INTS6: variants seen among roughly 807,000 people sequenced by gnomAD.
INTS6 encodes integrator complex subunit 6.
A neutral mutation model predicts 104.9 loss-of-function variants in INTS6; 16 were observed. The ratio of observed to expected loss-of-function variants is 0.15; its 90% CI spans 0.10 to 0.23. INTS6 has a LOEUF of 0.23. Ranked by LOEUF, INTS6 falls within the 10% of genes least tolerant of loss-of-function variation. The pLI is 1.00. For synonymous variants in INTS6, 324 were observed against 358.7 expected (o/e 0.90, Z 1.09); for missense variants, 584 against 1,062.8 (o/e 0.55, Z 6.26).
intron 3 of INTS6, among the ~76,000 whole-genome samples, chr13:51,354,594 A>C (rs1035640921): frequency 6.6e-6 from 1 of 151,524 alleles, no homozygotes; most frequent in Non-Finnish European, 1.5e-5. Flanking sequence ...CATCTCAGAA[A>C]AAAAAAAAAA....
intron 3 of INTS6, chr13:51,446,270 A>C (rs1187800812): frequency 6.6e-6 from 1 of 152,230 alleles, no homozygotes; most frequent in African/African-American, 2.4e-5. Flanking sequence ...CATTTCTCGA[A>C]AGACAGTGTA....
chr13:51,346,253 G>GACCAT, the INTS6 span, among the ~76,000 whole-genome samples: 1 of 152,130 alleles, frequency 6.6e-6, no homozygotes, highest in Non-Finnish European at 1.5e-5. Context: ...GCCCTACAAA[G>GACCAT]ACCATACCTT....
the INTS6 span, chr13:51,341,187 G>C: frequency 6.2e-7 from 1 of 1,614,052 alleles, no homozygotes; most frequent in Non-Finnish European, 8.5e-7. Context: ...TGAAGACTGA[G>C]TTTGCACTTC....
intron 15 of INTS6, among the ~76,000 whole-genome samples, chr13:51,371,198 GTGGTGACTT>G (rs992764414): frequency 2.6e-4 from 39 of 152,200 alleles, no homozygotes; most frequent in Admixed American, 3.9e-4. Flanking sequence ...GAGAAGTGCT[GTGGTGACTT>G]CAGTGTTTAA....
chr13:51,381,179 TTA>T (rs1304487451), intron 10 of INTS6, among the ~76,000 whole-genome samples: 37 of 152,232 alleles, frequency 2.4e-4, no homozygotes, highest in African/African-American at 8.0e-4. Flanking sequence ...CTATGCCATT[TTA>T]TATGAGGGAC....
At chr13:51,397,000 A>G (rs1457621252) in intron 4 of INTS6, among the ~76,000 whole-genome samples, 3 of 152,248 alleles carry the variant, frequency 2.0e-5, no homozygotes, top group Non-Finnish European at 1.5e-5. Flanking sequence ...TTTTAAAAAT[A>G]AAATCAAGAC....
At chr13:51,348,757 G>T in the INTS6 span, 1 of 252,412 alleles carries the variant, frequency 4.0e-6, no homozygotes, top group Non-Finnish European at 7.6e-6. Context: ...TGGTTCCCTT[G>T]TAGGAACGTT....
In INTS6 at chr13:51,452,412, T is replaced by C; in HGVS notation, c.111+3A>G. ...TCGCCGCCCGGGCTCGGTCAGTCGG[T>C]ACCTTCATGAAGGTCTCTACCGCGC... On this transcript the variant is annotated splice_donor_region_variant and intron_variant, in intron 1 of 17. Transcript: ENST00000311234. This position sits in a 1 kb window ranked among gnomAD's most constrained non-coding sequence, Gnocchi z 4.2. The C allele has an allele frequency of 6.3e-7, 1 of 1,598,356 alleles. No individual in the cohort carries two copies. Among genetic ancestry groups the C allele is most frequent in the Non-Finnish European group, 8.5e-7 (1 of 1,172,310 alleles).
chr13:51,410,717 T>C (rs1354452875), intron 4 of INTS6, among the ~76,000 whole-genome samples: 1 of 152,110 alleles, frequency 6.6e-6, no homozygotes, highest in African/African-American at 2.4e-5. Context: ...AACTTTACTC[T>C]TCAAAAGACA....
Position 51,361,753 on chromosome 13 carries a change from GTTA to G in INTS6, c.*3996_*3998del. 6.9e-7 allele frequency: 1 copy of G among 1,451,076 alleles called. No individual in the cohort carries two copies. Among genetic ancestry groups the G allele is most frequent in the Admixed American group, 2.3e-5 (1 of 43,266 alleles). The allele number at this position is 1,451,076 out of a possible 1,614,324, so 89.9% of individuals were successfully genotyped here. ...AAATTAACTTACTTCATAACCAATAGTTATTTTCTTAAAAATGCACAGAAAATG... is the reference window on the plus strand; with the variant it reads ...AAATTAACTTACTTCATAACCAATAGTTTTCTTAAAAATGCACAGAAAATG... On this transcript the variant is annotated 3_prime_UTR_variant, in exon 18 of 18. Coordinates refer to ENST00000311234, the MANE Select transcript of INTS6 (RefSeq NM_012141.3).
At chr13:51,409,156 A>C (rs974150420) in intron 4 of INTS6, among the ~76,000 whole-genome samples, 1 of 151,880 alleles carries the variant, frequency 6.6e-6, no homozygotes, top group Middle Eastern at 3.4e-3. Context: ...TAGCACCATG[A>C]GTTTGAAAAA....
rs569245566 is a variant in INTS6, at chr13:51,375,420, C to CA, written c.1730-625dup. On this transcript the variant is annotated intron_variant, in intron 13 of 17. Transcript: ENST00000311234. Reference sequence around the variant, plus strand: ...GTATCTCTTCTCTTCTGCGCTATTCCAAATAAACAGAATTTAATTATAGTA... The same window carrying CA: ...GTATCTCTTCTCTTCTGCGCTATTCCAAAATAAACAGAATTTAATTATAGTA... Among the ~76,000 whole-genome samples the CA allele has an allele frequency of 7.7e-4, 114 of 148,598 alleles. 1 individual carries two copies. Among genetic ancestry groups the CA allele is most frequent in the Non-Finnish European group, 1.5e-3 (98 of 67,528 alleles).
chr13:51,378,447 A>C lies in INTS6; in HGVS notation c.1394T>G (p.Ile465Arg), dbSNP rs1167813565. ...AGATCCAATGACTCGATCAGATTCT[A>C]TTTTGGCCTAAAGTAAAAATAAGTC... ...YLKKLSQQAKIESDRVIGSVG... is the reference protein window; with the variant it reads ...YLKKLSQQAKRESDRVIGSVG... The change falls in exon 12 of 18, where the codon ATA becomes AGA. Residue 465 changes from isoleucine (I) to arginine (R), a missense_variant. Physicochemically the swap from Ile to Arg is moderately conservative, Grantham distance 97 (BLOSUM62 -3). Coordinates refer to ENST00000311234, the MANE Select transcript of INTS6 (RefSeq NM_012141.3). 6.2e-7 allele frequency: 1 copy of C among 1,611,056 alleles called. No homozygotes were observed. The highest frequency in any genetic ancestry group is 1.3e-5 in the African/African-American group (1 of 74,810).
chr13:51,374,503 G>C, intron 14 of INTS6, 64 bp from the exon 15 acceptor site: 1 of 1,543,634 alleles, frequency 6.5e-7, no homozygotes, highest in South Asian at 1.1e-5. Context: ...CACAACCAGT[G>C]TCAATTCCAA....
chr13:51,378,941 A>G (rs1444384276), intron 11 of INTS6, among the ~76,000 whole-genome samples: 2 of 152,054 alleles, frequency 1.3e-5, no homozygotes, highest in East Asian at 1.9e-4. Context: ...TAGCAATGTC[A>G]GAAGTACTGG....
chr13:51,441,011 C>T (rs1952787931), intron 3 of INTS6: 1 of 152,136 alleles, frequency 6.6e-6, no homozygotes, highest in Admixed American at 6.5e-5. Context: ...TAAATGAGCC[C>T]CTACCATATG....
At chr13:51,401,527 T>C (rs926746638) in intron 4 of INTS6, among the ~76,000 whole-genome samples, 69 of 152,190 alleles carry the variant, frequency 4.5e-4, no homozygotes, top group Non-Finnish European at 1.8e-4. Flanking sequence ...GAAACTCTAG[T>C]ATGAGTATTC....
At chr13:51,345,376 C>T in the INTS6 span, among the ~76,000 whole-genome samples, 6 of 151,914 alleles carry the variant, frequency 3.9e-5, no homozygotes, top group Admixed American at 1.3e-4. Flanking sequence ...GGGCAGATCA[C>T]GAGGTCAGGA....
chr13:51,354,479 G>C (rs1227379360), intron 3 of INTS6: 1 of 152,028 alleles, frequency 6.6e-6, no homozygotes, highest in Non-Finnish European at 1.5e-5. Context: ...ATTGGAGCCT[G>C]GCACAGTGGG....
Sources: allele counts gnomAD v4.1 joint callset (sites outside exome capture counted in the v4.1 genomes callset), GRCh38; gene constraint gnomAD v4.1.1; non-coding constraint Gnocchi (gnomAD v3.1); transcripts MANE v1.5; gene names NCBI Gene and HGNC (gene_info 2026-07-23, HGNC 2026-07-21).